The following SASS6 variants were observed in gnomAD, a reference collection of about 807,000 sequenced individuals.
The protein encoded by SASS6 is SAS-6 centriolar assembly protein.
SASS6 carries 59 observed loss-of-function variants against 94.9 expected under a neutral mutation model. That is an observed-to-expected ratio of 0.62 (90% CI 0.50 to 0.77). The LOEUF (loss-of-function observed/expected upper bound fraction) is 0.77, where lower values mean the gene tolerates loss of function less well. Among genes scored for constraint, SASS6 ranks in the 30% least tolerant of loss-of-function variants. The pLI is 0.00. For missense variants in SASS6, 698 were observed against 734.1 expected (o/e 0.95, Z 0.57); for synonymous variants, 264 against 270.0 (o/e 0.98, Z 0.22).
At chr1:100,117,352 A>C (rs1481469040) in intron 7 of SASS6, among the ~76,000 whole-genome samples, 1 of 151,820 alleles carries the variant, frequency 6.6e-6, no homozygotes. Context: ...ACTACAAAGC[A>C]GTAGAAAATA....
intron 15 of SASS6, among the ~76,000 whole-genome samples, chr1:100,086,312 A>C (rs1324603947): frequency 6.6e-6 from 1 of 152,050 alleles, no homozygotes; most frequent in Non-Finnish European, 1.5e-5. Context: ...GGGTGAACAG[A>C]CTTTTTTTCT....
intron 9 of SASS6, 37 bp downstream of exon 9, chr1:100,107,773 A>C (rs745626138): frequency 6.5e-7 from 1 of 1,549,684 alleles, no homozygotes. Flanking sequence ...ACTTATAAAT[A>C]TGATTATCAA....
intron 1 of SASS6, among the ~76,000 whole-genome samples, chr1:100,130,545 C>A (rs1413284760): frequency 1.3e-5 from 2 of 152,004 alleles, no homozygotes; most frequent in South Asian, 4.2e-4. Flanking sequence ...AAAAAAAAGC[C>A]AGGCGTGGTG....
chr1:100,085,099 C>A lies in SASS6; in HGVS notation c.*229G>T. The A allele has an allele frequency of 4.3e-6, 2 of 465,248 alleles. No homozygotes were observed. The highest frequency in any genetic ancestry group is 7.7e-6 in the Non-Finnish European group (2 of 260,292). 28.8% of individuals were successfully genotyped at this position (465,248 alleles called of 1,614,324 possible). ...AAATTCATATTATTCTATAAAACGC[C>A]ATGTTCACAAACCAAAAAATGTCAT... On this transcript the variant is annotated 3_prime_UTR_variant, in exon 17 of 17. Transcript: ENST00000287482.
chr1:100,098,663 T>C (rs923563248), intron 14 of SASS6, among the ~76,000 whole-genome samples: 4 of 151,462 alleles, frequency 2.6e-5, no homozygotes, highest in South Asian at 2.1e-4. Flanking sequence ...TGTATGAGCA[T>C]CTGGATTGAA....
chr1:100,122,365 T>C lies in SASS6; in HGVS notation c.311+15A>G. The C allele has an allele frequency of 9.0e-7, 1 of 1,114,548 alleles. No individual in the cohort carries two copies. The highest frequency in any genetic ancestry group is 1.3e-5 in the South Asian group (1 of 76,096). The allele number at this position is 1,114,548 out of a possible 1,614,324, so 69.0% of individuals were successfully genotyped here. ...TGAATTAAATTTAATAATGTAGCAT[T>C]CTCATGCAACTTACCTTGGAATTTC... On this transcript the variant is annotated intron_variant, in intron 4 of 16. Transcript: ENST00000287482.
intron 7 of SASS6, among the ~76,000 whole-genome samples, chr1:100,114,385 T>C (rs1406326396): frequency 6.6e-6 from 1 of 151,756 alleles, no homozygotes; most frequent in Non-Finnish European, 1.5e-5. Flanking sequence ...CTTATGAATA[T>C]AAATACAAAC....
At chr1:100,128,343 T>C (rs1654771227) in intron 1 of SASS6, among the ~76,000 whole-genome samples, 1 of 152,164 alleles carries the variant, frequency 6.6e-6, no homozygotes, top group Non-Finnish European at 1.5e-5. Flanking sequence ...AGACGGTGTT[T>C]TACGGTTTTA....
At chr1:100,103,141 G>T in intron 13 of SASS6, 58 bp from the exon 14 acceptor site, 1 of 1,137,272 alleles carries the variant, frequency 8.8e-7, no homozygotes, top group Non-Finnish European at 1.3e-6. Context: ...AATAGTATTT[G>T]TTGATCAGGT....
chr1:100,117,912 TAGA>T (rs1054730500), intron 7 of SASS6, among the ~76,000 whole-genome samples: 2 of 142,976 alleles, frequency 1.4e-5, no homozygotes, highest in African/African-American at 5.2e-5. Context: ...AAATAATCCA[TAGA>T]AGAAATAAAA....
At chr1:100,092,013 A>G (rs1211962351) in intron 14 of SASS6, among the ~76,000 whole-genome samples, 1 of 148,718 alleles carries the variant, frequency 6.7e-6, no homozygotes, top group Non-Finnish European at 1.5e-5. Flanking sequence ...GTCTCAAAAA[A>G]AAAAAAAAAA....
chr1:100,085,398 G>C lies in SASS6; in HGVS notation c.1904C>G (p.Thr635Arg). ...QRDGTLGALHTSSKPTALPSA... is the reference protein window; with the variant it reads ...QRDGTLGALHRSSKPTALPSA... ...GGGGAGCGCTGTGGGTTTGGAAGATGTATGTAATGCTCCTAAAGTGCCATC... is the reference window on the plus strand; with the variant it reads ...GGGGAGCGCTGTGGGTTTGGAAGATCTATGTAATGCTCCTAAAGTGCCATC... Residue 635 changes from threonine to arginine, a missense_variant, in exon 17 of 17, where the codon ACA becomes AGA. By Grantham distance (71) the Thr-to-Arg change is moderately conservative. Transcript: ENST00000287482. 1 of 1,613,470 alleles carries C rather than the reference G, an allele frequency of 6.2e-7. No individual in the cohort carries two copies. The highest frequency in any genetic ancestry group is 8.5e-7 in the Non-Finnish European group (1 of 1,179,460).
chr1:100,123,712 G>C (rs572034937), intron 2 of SASS6, among the ~76,000 whole-genome samples: 1 of 152,280 alleles, frequency 6.6e-6, no homozygotes, highest in Non-Finnish European at 1.5e-5. Flanking sequence ...CAGCAGAACT[G>C]ACAATAATCC....
intron 7 of SASS6, among the ~76,000 whole-genome samples, chr1:100,113,794 A>G (rs1319844611): frequency 2.0e-5 from 3 of 152,132 alleles, no homozygotes; most frequent in Non-Finnish European, 4.4e-5. Context: ...AATTAAGAAC[A>G]TAAGAGAAAT....
intron 8 of SASS6, among the ~76,000 whole-genome samples, chr1:100,110,037 T>C (rs547733024): frequency 1.6e-4 from 24 of 152,136 alleles, no homozygotes. Flanking sequence ...AAAAACATAT[T>C]GATAAATCTG....
chr1:100,116,294 T>C (rs1467591600), intron 7 of SASS6, among the ~76,000 whole-genome samples: 1 of 152,240 alleles, frequency 6.6e-6, no homozygotes, highest in East Asian at 1.9e-4. Flanking sequence ...TACAAATCTA[T>C]AATAATACTA....
At chr1:100,120,136 C>T (rs1449623685) in intron 6 of SASS6, among the ~76,000 whole-genome samples, 4 of 152,286 alleles carry the variant, frequency 2.6e-5, no homozygotes, top group South Asian at 2.1e-4. Flanking sequence ...CAGAAACATA[C>T]ATATCTTATT....
intron 3 of SASS6, 64 bp from the exon 4 acceptor site, chr1:100,122,548 C>A: frequency 5.1e-6 from 2 of 390,268 alleles, no homozygotes; most frequent in East Asian, 4.8e-5. Context: ...TGTTTTGGTG[C>A]CTTTTTTTTT....
chr1:100,088,953 A>T (rs1328286331), intron 14 of SASS6, among the ~76,000 whole-genome samples: 1 of 152,186 alleles, frequency 6.6e-6, no homozygotes, highest in Non-Finnish European at 1.5e-5. Flanking sequence ...AAGATGTCAT[A>T]CTCAGAAGAA....
Sources: allele counts gnomAD v4.1 joint callset (sites outside exome capture counted in the v4.1 genomes callset), GRCh38; gene constraint gnomAD v4.1.1; transcripts MANE v1.5; gene names NCBI Gene and HGNC (gene_info 2026-07-23, HGNC 2026-07-21).